The following PACRG variants were observed in gnomAD, a reference collection of about 807,000 sequenced individuals.
The protein encoded by PACRG is parkin coregulated, also known as parkin coregulated gene protein.
In PACRG, 29 loss-of-function variants were observed where a neutral mutation model predicts 29.7. That is an observed-to-expected ratio of 0.98 (90% confidence interval 0.73 to 1.33). The LOEUF (loss-of-function observed/expected upper bound fraction) is 1.33, where lower values mean the gene tolerates loss of function less well. PACRG is among the 40% of genes most tolerant of loss of function. The pLI is 0.00. For synonymous variants in PACRG, 116 were observed against 118.7 expected, an observed-to-expected ratio of 0.98 and a Z score of 0.15; for missense variants, 279 against 316.2, an observed-to-expected ratio of 0.88 and a Z score of 0.89.
chr6:162,955,359 G>A (rs1324703953), intron 2 of PACRG, among the ~76,000 whole-genome samples: 2 of 152,120 alleles, frequency 1.3e-5, no homozygotes, highest in Non-Finnish European at 2.9e-5. Context: ...GAGTGCAGTG[G>A]TGTGGTCTTG....
At chr6:163,264,722 G>C (rs1381203195) in intron 4 of PACRG, among the ~76,000 whole-genome samples, 2 of 152,138 alleles carry the variant, frequency 1.3e-5, no homozygotes, top group Non-Finnish European at 2.9e-5. Context: ...AACTGAGTTG[G>C]GGACAAACTG....
intron 1 of PACRG, among the ~76,000 whole-genome samples, chr6:162,747,381 T>TACACAC (rs1781120240): frequency 3.3e-5 from 2 of 60,186 alleles, no homozygotes; most frequent in Non-Finnish European, 5.8e-5. Flanking sequence ...CATATATATG[T>TACACAC]ATATATATGT....
chr6:162,732,988 T>C (rs2128250014), intron 1 of PACRG, among the ~76,000 whole-genome samples: 1 of 152,342 alleles, frequency 6.6e-6, no homozygotes, highest in South Asian at 2.1e-4. Context: ...TTCTTTATTT[T>C]TGTGTTTCTG....
In PACRG at chr6:162,932,148, G is replaced by T. The variant is rs567268072; in HGVS notation, c.291+117867G>T. 1.1e-4 allele frequency among the ~76,000 whole-genome samples: 17 copies of T among 151,960 alleles called. No homozygotes were observed. In the East Asian group the frequency reaches 3.1e-3, roughly 28 times the overall value. On this transcript the variant is annotated intron_variant, in intron 2 of 4. Coordinates refer to ENST00000366888, the MANE Select transcript of PACRG (RefSeq NM_001080379.2). ...CTAAAAAAAGTAATGTTGAATAAAA[G>T]AAACCAAACAAAAAGGAGTACGTAC...
At chr6:162,861,360 A>G (rs1272173096) in intron 2 of PACRG, among the ~76,000 whole-genome samples, 2 of 152,238 alleles carry the variant, frequency 1.3e-5, no homozygotes, top group African/African-American at 2.4e-5. Flanking sequence ...TAAGATTGCC[A>G]ATTTTCTAAG....
At chr6:163,227,484 T>C (rs1205926370) in intron 4 of PACRG, among the ~76,000 whole-genome samples, 1 of 152,200 alleles carries the variant, frequency 6.6e-6, no homozygotes, top group Non-Finnish European at 1.5e-5. Context: ...GCTGTTCTAA[T>C]GAGTTAGAAG....
chr6:163,102,752 G>C lies in PACRG; in HGVS notation c.613+13344G>C, dbSNP rs536141418. Among the ~76,000 whole-genome samples, 6 of 152,326 alleles carry C rather than the reference G, an allele frequency of 3.9e-5. 1 individual carries two copies. In the South Asian group the frequency reaches 1.2e-3, roughly 32 times the overall value. The stretch of plus-strand genomic sequence containing the variant: ...CAAATGTGTATGACATATGGTCAGG[G>C]AGGATGATACATCACCTGTTGCATT... On this transcript the variant is annotated intron_variant, in intron 4 of 4. Transcript: ENST00000366888.
At chr6:163,130,746 T>G (rs1313603253) in intron 4 of PACRG, among the ~76,000 whole-genome samples, 1 of 152,174 alleles carries the variant, frequency 6.6e-6, no homozygotes, top group Non-Finnish European at 1.5e-5. Context: ...AGCAGGTCCA[T>G]GGACTGAGAG....
intron 1 of PACRG, among the ~76,000 whole-genome samples, chr6:162,752,421 G>C (rs1303794602): frequency 6.6e-6 from 1 of 152,188 alleles, no homozygotes; most frequent in African/African-American, 2.4e-5. Context: ...CACATATTCT[G>C]TTGGACCAGT....
chr6:163,269,502 T>C (rs1783653897), intron 4 of PACRG, among the ~76,000 whole-genome samples: 2 of 152,202 alleles, frequency 1.3e-5, no homozygotes, highest in South Asian at 4.1e-4. Flanking sequence ...GTTCTTCACA[T>C]TGTTCTTTGA....
intron 2 of PACRG, among the ~76,000 whole-genome samples, chr6:162,856,826 A>T (rs9458658): frequency 0.57 from 86,721 of 152,062 alleles, 26,920 homozygotes; most frequent in African/African-American, 0.81. Flanking sequence ...ACACAGCACT[A>T]CTCTGAAGCT....
At chr6:163,100,445 C>G (rs889195956) in intron 4 of PACRG, among the ~76,000 whole-genome samples, 1 of 152,194 alleles carries the variant, frequency 6.6e-6, no homozygotes, top group Non-Finnish European at 1.5e-5. Context: ...CTTCAGGCTG[C>G]TCGAGAGGGT....
chr6:162,763,890 C>G (rs1782572353), intron 1 of PACRG, among the ~76,000 whole-genome samples: 1 of 152,100 alleles, frequency 6.6e-6, no homozygotes, highest in South Asian at 2.1e-4. Flanking sequence ...CAAACAAATC[C>G]TGGAATGTAT....
intron 4 of PACRG, among the ~76,000 whole-genome samples, chr6:163,101,662 C>T (rs73786963): frequency 0.021 from 3,250 of 152,130 alleles, 128 homozygotes; most frequent in African/African-American, 0.074. Context: ...AGTGTGATGT[C>T]GGGCCTGTAA....
intron 4 of PACRG, among the ~76,000 whole-genome samples, chr6:163,108,392 CTTTTTTTT>C (rs528887997): frequency 8.8e-5 from 8 of 90,538 alleles, no homozygotes; most frequent in South Asian, 4.8e-4. Flanking sequence ...TTCTCTTTCC[CTTTTTTTT>C]TTTTTTTTTT....
intron 4 of PACRG, chr6:163,310,460 C>T (rs1585419748): frequency 1.3e-5 from 2 of 152,262 alleles, no homozygotes; most frequent in Admixed American, 6.5e-5. Context: ...CTCGCATTGC[C>T]CTATAGCGCG....
chr6:162,943,099 C>G (rs1420940912), intron 2 of PACRG, among the ~76,000 whole-genome samples: 1 of 152,188 alleles, frequency 6.6e-6, no homozygotes, highest in East Asian at 1.9e-4. Context: ...CCTGCAGGCT[C>G]TGAGACTAAC....
At chr6:163,022,563 C>A (rs932290650) in intron 2 of PACRG, among the ~76,000 whole-genome samples, 1 of 152,186 alleles carries the variant, frequency 6.6e-6, no homozygotes, top group Non-Finnish European at 1.5e-5. Flanking sequence ...TTCTCACTAA[C>A]AGGAGTGTCC....
intron 2 of PACRG, chr6:163,053,906 A>C (rs906532753): frequency 2.0e-5 from 3 of 152,160 alleles, no homozygotes; most frequent in African/African-American, 7.2e-5. Flanking sequence ...AATTCAATGC[A>C]TGCCTACTGA....
Sources: allele counts gnomAD v4.1 joint callset (sites outside exome capture counted in the v4.1 genomes callset), GRCh38; gene constraint gnomAD v4.1.1; transcripts MANE v1.5; gene names NCBI Gene and HGNC (gene_info 2026-07-23, HGNC 2026-07-21).